The following TANK variants were observed in gnomAD, a reference collection of about 807,000 sequenced individuals.
TANK encodes TRAF family member associated NFKB activator, also known as TRAF family member-associated NF-kappa-B activator.
Under a neutral mutation model 43.6 loss-of-function variants are expected in TANK, and 15 were observed. The observed-to-expected ratio is 0.34, with a 90% CI of 0.23 to 0.53. The LOEUF is 0.53. Ranked by LOEUF, TANK falls within the 20% of genes least tolerant of loss-of-function variation. The probability of loss-of-function intolerance (pLI) is 0.94; values close to 1 mark genes in which losing one functional copy is unlikely to be tolerated. For synonymous variants in TANK, 162 were observed against 178.2 expected, an observed-to-expected ratio of 0.91 and a Z score of 0.73; for missense variants, 417 against 498.6, an observed-to-expected ratio of 0.84 and a Z score of 1.56.
intron 1 of TANK, among the ~76,000 whole-genome samples, chr2:161,146,540 G>A (rs1293737440): frequency 6.6e-6 from 1 of 150,462 alleles, no homozygotes; most frequent in Non-Finnish European, 1.5e-5. Context: ...GTTGCTGTCT[G>A]TTTGTTTGTT....
intron 1 of TANK, among the ~76,000 whole-genome samples, chr2:161,141,772 A>C (rs931311658): frequency 6.6e-6 from 1 of 152,094 alleles, no homozygotes; most frequent in Admixed American, 6.6e-5. Context: ...GCTATTGTAA[A>C]TAGTGCTGCA....
At chr2:161,232,870 T>G (rs1687989306) in intron 7 of TANK, 5 of 1,547,424 alleles carry the variant, frequency 3.2e-6, no homozygotes, top group South Asian at 2.4e-5. Context: ...GAATTAGTGT[T>G]GAGTTGTCAC....
At chr2:161,210,628 C>T (rs529016057) in intron 4 of TANK, among the ~76,000 whole-genome samples, 148 of 148,536 alleles carry the variant, frequency 1.0e-3, no homozygotes, top group Non-Finnish European at 1.7e-3. Context: ...ACCCGGGAGG[C>T]GGAGGTTGCA....
At chr2:161,138,736 T>A (rs1683658940) in intron 1 of TANK, among the ~76,000 whole-genome samples, 1 of 152,204 alleles carries the variant, frequency 6.6e-6, no homozygotes, top group African/African-American at 2.4e-5. Context: ...ACTTATGACA[T>A]TGAGTCATAG....
chr2:161,190,439 C>G (rs931989153), intron 2 of TANK, among the ~76,000 whole-genome samples: 2 of 152,160 alleles, frequency 1.3e-5, no homozygotes, highest in Non-Finnish European at 2.9e-5. Flanking sequence ...ATTCAGCAAT[C>G]CTACTACTCT....
upstream of TANK, among the ~76,000 whole-genome samples, chr2:161,158,592 A>G (rs1057247349): frequency 6.6e-6 from 1 of 152,228 alleles, no homozygotes; most frequent in African/African-American, 2.4e-5. Context: ...CCATATTTCA[A>G]AATGCCTATG....
chr2:161,210,711 A>G (rs1034354528), intron 4 of TANK, among the ~76,000 whole-genome samples: 1 of 151,904 alleles, frequency 6.6e-6, no homozygotes, highest in Non-Finnish European at 1.5e-5. Context: ...AAAAAAAAAA[A>G]AAAGAAATTC....
intron 2 of TANK, among the ~76,000 whole-genome samples, chr2:161,184,589 G>A (rs550296957): frequency 1.3e-5 from 2 of 152,206 alleles, no homozygotes; most frequent in East Asian, 3.9e-4. Flanking sequence ...GAGATGAGTT[G>A]GGGAAAAGAT....
rs1474616414 is a variant in TANK, at chr2:161,235,530, A to G, written c.*12A>G. On this transcript the variant is annotated 3_prime_UTR_variant, in exon 8 of 8. Coordinates refer to ENST00000392749, the MANE Select transcript of TANK (RefSeq NM_001199135.3). ...ATGGAGAGACTTAAGACACATTTGAAAACAGACATATCAAGTTCTATGTGA... is the reference window on the plus strand; with the variant it reads ...ATGGAGAGACTTAAGACACATTTGAGAACAGACATATCAAGTTCTATGTGA... 6.2e-7 allele frequency: 1 copy of G among 1,604,754 alleles called. No homozygotes were observed. The highest frequency in any genetic ancestry group is 8.5e-7 in the Non-Finnish European group (1 of 1,175,528).
intron 2 of TANK, among the ~76,000 whole-genome samples, chr2:161,186,282 T>C (rs1471358732): frequency 6.6e-6 from 1 of 152,270 alleles, no homozygotes; most frequent in African/African-American, 2.4e-5. Context: ...CCTACCACTC[T>C]ATTCTCTCAC....
chr2:161,227,375 A>C (rs142468943), intron 6 of TANK, among the ~76,000 whole-genome samples: 42 of 152,288 alleles, frequency 2.8e-4, no homozygotes, highest in African/African-American at 7.9e-4. Flanking sequence ...ACTTCTCTCT[A>C]TATATAGAAA....
chr2:161,152,331 A>G (rs1684102997), intron 1 of TANK, among the ~76,000 whole-genome samples: 2 of 152,138 alleles, frequency 1.3e-5, no homozygotes, highest in Admixed American at 1.3e-4. Flanking sequence ...GGGTAAGTCT[A>G]CTAACACCAA....
intron 1 of TANK, among the ~76,000 whole-genome samples, chr2:161,144,198 T>C (rs553231834): frequency 5.6e-4 from 86 of 152,326 alleles, no homozygotes; most frequent in African/African-American, 1.9e-3. Context: ...GAGTCTTCTC[T>C]CGTTTCTTTT....
intron 4 of TANK, among the ~76,000 whole-genome samples, chr2:161,220,829 A>G (rs1687309278): frequency 6.6e-6 from 1 of 152,224 alleles, no homozygotes; most frequent in African/African-American, 2.4e-5. Flanking sequence ...GATATCTAAC[A>G]TATCCTAGAA....
intron 1 of TANK, among the ~76,000 whole-genome samples, chr2:161,141,882 T>G (rs949582629): frequency 6.6e-6 from 1 of 152,198 alleles, no homozygotes; most frequent in Non-Finnish European, 1.5e-5. Flanking sequence ...TATTTCTGGT[T>G]CTAGATCCTT....
At chr2:161,217,896 T>C (rs1442034498) in intron 4 of TANK, among the ~76,000 whole-genome samples, 2 of 152,088 alleles carry the variant, frequency 1.3e-5, no homozygotes, top group Non-Finnish European at 2.9e-5. Context: ...ACCCAGTCTT[T>C]TATTAAAAGA....
At chr2:161,160,102 A>T (rs1029667555), upstream of TANK, 2 of 271,506 alleles carry the variant, frequency 7.4e-6, no homozygotes, top group Admixed American at 1.1e-4. Context: ...ATATAGGGTG[A>T]TGTTATTTAT....
intron 1 of TANK, among the ~76,000 whole-genome samples, chr2:161,170,306 T>G (rs1026877998): frequency 6.6e-6 from 1 of 152,162 alleles, no homozygotes; most frequent in South Asian, 2.1e-4. Flanking sequence ...TTAATTAAGT[T>G]GATGAGTTGT....
chr2:161,232,021 T>C (rs564637151), intron 7 of TANK, among the ~76,000 whole-genome samples: 55 of 152,342 alleles, frequency 3.6e-4, no homozygotes, highest in African/African-American at 1.3e-3. Context: ...CAGTGAATAC[T>C]TCTACTACAT....
Sources: gnomAD v4.1 joint callset for allele counts (sites outside exome capture counted in the v4.1 genomes callset) on GRCh38, gnomAD v4.1.1 for gene constraint, MANE v1.5 for transcripts, NCBI Gene and HGNC (gene_info 2026-07-23, HGNC 2026-07-21) for gene names.